G2E3: variants seen among roughly 807,000 people sequenced by gnomAD.
G2E3 encodes G2/M phase-specific E3 ubiquitin-protein ligase.
In G2E3, 35 loss-of-function variants were observed where a neutral mutation model predicts 92.8. That is an observed-to-expected ratio of 0.38 (90% CI 0.29 to 0.50). The LOEUF is 0.50. G2E3 is among the 20% of genes least tolerant of loss of function. The probability of loss-of-function intolerance (pLI) is 0.94; values close to 1 mark genes in which losing one functional copy is unlikely to be tolerated. For missense variants in G2E3, 554 were observed against 823.8 expected, an observed-to-expected ratio of 0.67 and a Z score of 4.01; for synonymous variants, 242 against 272.4, an observed-to-expected ratio of 0.89 and a Z score of 1.10.
chr14:30,618,604 G>C lies in G2E3; in HGVS notation c.*2070G>C, dbSNP rs1427573466. 3.3e-5 allele frequency: 5 copies of C among 152,076 alleles called. No individual in the cohort carries two copies. Among genetic ancestry groups the C allele is most frequent in the African/African-American group, 1.2e-4 (5 of 41,434 alleles). The allele number at this position is 152,076 out of a possible 1,614,324, so 9.4% of individuals were successfully genotyped here. On this transcript the variant is annotated 3_prime_UTR_variant, in exon 15 of 15. Coordinates refer to ENST00000206595, the MANE Select transcript of G2E3 (RefSeq NM_017769.5). ...CCTCATTTGACTTATTTTATATATA[G>C]ACAGGGCCTTAGTGATAAGATGGTG...
intron 1 of G2E3, among the ~76,000 whole-genome samples, chr14:30,575,546 AG>A (rs1168689066): frequency 2.0e-5 from 3 of 152,198 alleles, no homozygotes; most frequent in African/African-American, 7.2e-5. Flanking sequence ...AAGGAAATAA[AG>A]GGCATCCAAA....
At chr14:30,581,208 C>T (rs770946537) in intron 2 of G2E3, 92 bp downstream of exon 2, 5 of 741,664 alleles carry the variant, frequency 6.7e-6, no homozygotes, top group Non-Finnish European at 1.2e-5. Flanking sequence ...AATTCCCTGG[C>T]ACAAGCTTAG....
chr14:30,610,993 C>G (rs1321443068), intron 12 of G2E3, among the ~76,000 whole-genome samples: 2 of 152,282 alleles, frequency 1.3e-5, no homozygotes, highest in East Asian at 1.9e-4. Flanking sequence ...ACAGATGGCC[C>G]TCTGTTTTCG....
intron 1 of G2E3, among the ~76,000 whole-genome samples, chr14:30,570,403 G>C (rs1879687151): frequency 6.6e-6 from 1 of 152,046 alleles, no homozygotes; most frequent in Non-Finnish European, 1.5e-5. Flanking sequence ...GGAAGTTTTT[G>C]GCTATTATTT....
At chr14:30,571,898 A>G (rs1199849459) in intron 1 of G2E3, among the ~76,000 whole-genome samples, 2 of 151,264 alleles carry the variant, frequency 1.3e-5, no homozygotes, top group Non-Finnish European at 2.9e-5. Flanking sequence ...CTATTACAAG[A>G]CTTTTGCATT....
intron 11 of G2E3, among the ~76,000 whole-genome samples, chr14:30,606,596 A>C (rs1881843610): frequency 6.6e-6 from 1 of 152,160 alleles, no homozygotes; most frequent in Admixed American, 6.5e-5. Flanking sequence ...TATGGTGGAG[A>C]GTACGTGAAT....
chr14:30,598,876 G>A (rs927432937), intron 8 of G2E3, among the ~76,000 whole-genome samples: 2 of 152,210 alleles, frequency 1.3e-5, no homozygotes, highest in African/African-American at 4.8e-5. Flanking sequence ...TGGCTGTTGA[G>A]CACTTGAGAT....
intron 1 of G2E3, among the ~76,000 whole-genome samples, chr14:30,571,176 CTT>C (rs11451039): frequency 2.2e-5 from 3 of 137,890 alleles, no homozygotes; most frequent in Non-Finnish European, 1.6e-5. Context: ...AGTGGGTTTG[CTT>C]TTTTTTTTTT....
intron 1 of G2E3, among the ~76,000 whole-genome samples, chr14:30,573,112 T>C (rs1035473555): frequency 2.0e-5 from 3 of 152,068 alleles, no homozygotes; most frequent in African/African-American, 4.8e-5. Flanking sequence ...GGACTACAGG[T>C]GCATAACACT....
chr14:30,568,301 T>C (rs1879557256), intron 1 of G2E3, among the ~76,000 whole-genome samples: 1 of 152,146 alleles, frequency 6.6e-6, no homozygotes, highest in South Asian at 2.1e-4. Context: ...TATTTGTGTT[T>C]TGATATCTAT....
intron 10 of G2E3, among the ~76,000 whole-genome samples, chr14:30,604,038 A>G (rs1769192746): frequency 6.6e-6 from 1 of 152,248 alleles, no homozygotes; most frequent in Admixed American, 6.5e-5. Context: ...TTTAGTATCA[A>G]AATAGATGTT....
intron 12 of G2E3, among the ~76,000 whole-genome samples, chr14:30,610,682 TAC>T (rs1157886625): frequency 6.6e-6 from 1 of 152,176 alleles, no homozygotes; most frequent in African/African-American, 2.4e-5. Context: ...TTGGAGTATA[TAC>T]AAGTTAGGTT....
At chr14:30,601,922 T>A in intron 9 of G2E3, 28 bp downstream of exon 9, 1 of 1,603,796 alleles carries the variant, frequency 6.2e-7, no homozygotes. Flanking sequence ...TTGAATAAAG[T>A]TTTTATTCAA....
intron 1 of G2E3, chr14:30,560,452 G>A (rs994250014): frequency 6.5e-5 from 16 of 247,680 alleles, no homozygotes; most frequent in Non-Finnish European, 7.7e-6. Context: ...CATTCTTCCT[G>A]CTATTGAACT....
At chr14:30,595,855 A>G (rs1734052931) in intron 6 of G2E3, among the ~76,000 whole-genome samples, 2 of 152,208 alleles carry the variant, frequency 1.3e-5, no homozygotes, top group South Asian at 2.1e-4. Flanking sequence ...AGAGATTGCT[A>G]TCAAAGAAAC....
intron 8 of G2E3, among the ~76,000 whole-genome samples, chr14:30,600,223 A>C (rs1484762149): frequency 6.6e-6 from 1 of 152,234 alleles, no homozygotes; most frequent in African/African-American, 2.4e-5. Flanking sequence ...TTAATTGTGA[A>C]GATTCAGCTG....
intron 1 of G2E3, among the ~76,000 whole-genome samples, chr14:30,566,132 G>T (rs1879423257): frequency 6.6e-6 from 1 of 152,134 alleles, no homozygotes; most frequent in African/African-American, 2.4e-5. Context: ...GTCTGTCCTT[G>T]TGCCAGTACC....
Position 30,612,351 on chromosome 14 carries a change from A to G in G2E3, c.1645A>G (p.Ile549Val), listed in dbSNP as rs767873102. 2 of 1,605,852 alleles carry G rather than the reference A, an allele frequency of 1.2e-6. No homozygotes were observed. Among genetic ancestry groups the G allele is most frequent in the Admixed American group, 3.4e-5 (2 of 59,400 alleles). ...LVKDILGYHVIQRVHTPFESF... is the reference protein window; with the variant it reads ...LVKDILGYHVVQRVHTPFESF... The stretch of plus-strand genomic sequence containing the variant: ...AAAAGACATACTTGGCTACCATGTA[A>G]TTCAGAGAGTCCACACACCCTTTGA... The change falls in exon 13 of 15, where the codon ATT (isoleucine) becomes GTT (valine). Residue 549 changes from isoleucine to valine, a missense_variant. Ile to Val is a conservative substitution (Grantham distance 29). Coordinates refer to ENST00000206595, the MANE Select transcript of G2E3 (RefSeq NM_017769.5).
chr14:30,572,299 C>G (rs1461219936), intron 1 of G2E3, among the ~76,000 whole-genome samples: 1 of 152,092 alleles, frequency 6.6e-6, no homozygotes, highest in Non-Finnish European at 1.5e-5. Context: ...ACAGTTTTGT[C>G]TTCTTTTCCC....
Sources: allele counts gnomAD v4.1 joint callset (sites outside exome capture counted in the v4.1 genomes callset), GRCh38; gene constraint gnomAD v4.1.1; transcripts MANE v1.5; gene names NCBI Gene and HGNC (gene_info 2026-07-23, HGNC 2026-07-21).